The following PRRC2C variants were observed in gnomAD, a reference collection of about 807,000 sequenced individuals.
PRRC2C encodes the protein protein PRRC2C.
PRRC2C carries 72 observed loss-of-function variants against 317.2 expected under a neutral mutation model. That is an observed-to-expected ratio of 0.23 (90% CI 0.19 to 0.28). The LOEUF (loss-of-function observed/expected upper bound fraction) is 0.28. Ranked by LOEUF, PRRC2C falls within the 10% of genes least tolerant of loss-of-function variation. The pLI, the probability that PRRC2C is intolerant of heterozygous loss-of-function variation, is 1.00. For missense variants in PRRC2C, 3,074 were observed against 3,459.7 expected (o/e 0.89, Z 2.80); for synonymous variants, 1,296 against 1,205.9 (o/e 1.07, Z -1.55).
intron 15 of PRRC2C, among the ~76,000 whole-genome samples, chr1:171,537,698 A>G (rs1005471880): frequency 1.3e-5 from 2 of 152,018 alleles, no homozygotes; most frequent in Admixed American, 6.6e-5. Context: ...TTAGTATTAG[A>G]TGTTGAAATT....
At chr1:171,510,523 CAT>C (rs1416012372) in intron 1 of PRRC2C, 1 of 152,066 alleles carries the variant, frequency 6.6e-6, no homozygotes, top group Non-Finnish European at 1.5e-5. Flanking sequence ...TATCTTTGTA[CAT>C]GTTACTGGTA....
In PRRC2C at chr1:171,561,028, T is replaced by G; in HGVS notation, c.6042T>G (p.Ile2014Met). Residue 2014 changes from isoleucine to methionine, a missense_variant, in exon 20 of 35, where the codon ATT (isoleucine) becomes ATG (methionine). Ile to Met is a conservative substitution (Grantham distance 10). Coordinates refer to ENST00000647382, the MANE Select transcript of PRRC2C (RefSeq NM_001387844.1). ...GCTTCTTCTTTCCAGTAGGTCCCATTAGTCCACCACAGCCACCTTCAGTCA... is the reference window on the plus strand; with the variant it reads ...GCTTCTTCTTTCCAGTAGGTCCCATGAGTCCACCACAGCCACCTTCAGTCA... ...LNDISKKLGP[I>M]SPPQPPSVSA... is the part of the protein sequence containing the mutation. 6.3e-7 allele frequency: 1 copy of G among 1,598,426 alleles called. No homozygotes were observed. Among genetic ancestry groups the G allele is most frequent in the Non-Finnish European group, 8.6e-7 (1 of 1,165,746 alleles).
chr1:171,578,774 C>T (rs558794087), intron 26 of PRRC2C, among the ~76,000 whole-genome samples: 9 of 152,050 alleles, frequency 5.9e-5, no homozygotes, highest in Non-Finnish European at 8.8e-5. Flanking sequence ...GCACAAGAAT[C>T]GCTTGAACCC....
At chr1:171,552,710 A>C (rs971891503) in intron 18 of PRRC2C, among the ~76,000 whole-genome samples, 1 of 151,976 alleles carries the variant, frequency 6.6e-6, no homozygotes, top group Non-Finnish European at 1.5e-5. Context: ...TTCTGCATCT[A>C]TTGAGATAAT....
At chr1:171,566,886 A>G (rs1683758602) in intron 22 of PRRC2C, 43 bp downstream of exon 22, 3 of 1,552,248 alleles carry the variant, frequency 1.9e-6, no homozygotes, top group South Asian at 1.2e-5. Context: ...GATGCAAGCC[A>G]TGTCTAAAAT....
rs766917049 is a variant in PRRC2C, at chr1:171,579,837, G to A, written c.7282G>A (p.Val2428Ile). Residue 2428 changes from valine to isoleucine, a missense_variant, in exon 28 of 35, where the codon GTT becomes ATT. Val to Ile is a conservative substitution (Grantham distance 29). This residue lies in a region of PRRC2C where 490 missense variants were observed against 663.1 expected (regional missense o/e 0.74). Transcript: ENST00000647382. The stretch of plus-strand genomic sequence containing the variant: ...TCTCAATGCATTGCAGCCAACTTCA[G>A]TTCAGCAGATTCCAATCCCTATTTA... ...FQPGLSQPTS[V>I]QQIPIPIYAP... is the part of the protein sequence containing the mutation. The A allele has an allele frequency of 6.4e-7, 1 of 1,563,104 alleles. No individual in the cohort carries two copies. Among genetic ancestry groups the A allele is most frequent in the East Asian group, 2.3e-5 (1 of 43,862 alleles).
intron 11 of PRRC2C, among the ~76,000 whole-genome samples, chr1:171,530,293 C>T (rs376892412): frequency 1.5e-5 from 2 of 136,818 alleles, no homozygotes; most frequent in Non-Finnish European, 3.1e-5. Context: ...GCTCTGTTGC[C>T]GAGGCTGGAG....
At chr1:171,560,959 G>T (rs1048843764) in intron 19 of PRRC2C, 59 bp from the exon 20 acceptor site, 4 of 1,339,072 alleles carry the variant, frequency 3.0e-6, no homozygotes, top group African/African-American at 2.9e-5. Flanking sequence ...GGGTTAAATG[G>T]GTTAGAGATT....
chr1:171,503,990 C>A (rs148128659), intron 1 of PRRC2C, among the ~76,000 whole-genome samples: 1 of 152,148 alleles, frequency 6.6e-6, no homozygotes, highest in African/African-American at 2.4e-5. Flanking sequence ...TACCTTCCAC[C>A]GAGTCCCTCC....
intron 16 of PRRC2C, among the ~76,000 whole-genome samples, chr1:171,544,214 G>T (rs1046981991): frequency 3.9e-5 from 6 of 152,046 alleles, no homozygotes; most frequent in Non-Finnish European, 4.4e-5. Flanking sequence ...CCTCCACCCC[G>T]CTGGGTTCAA....
chr1:171,556,023 A>G (rs2102627625), intron 18 of PRRC2C, among the ~76,000 whole-genome samples: 1 of 152,210 alleles, frequency 6.6e-6, no homozygotes, highest in African/African-American at 2.4e-5. Context: ...CCCTGCCCCC[A>G]GAGCATACAG....
chr1:171,578,247 A>C (rs1647630824), intron 26 of PRRC2C, among the ~76,000 whole-genome samples: 1 of 152,166 alleles, frequency 6.6e-6, no homozygotes, highest in Admixed American at 6.5e-5. Context: ...ATTTCTAATA[A>C]TGACAAGTTA....
intron 20 of PRRC2C, among the ~76,000 whole-genome samples, chr1:171,563,368 ATTAT>A (rs990843398): frequency 2.1e-4 from 32 of 152,312 alleles, no homozygotes; most frequent in African/African-American, 7.7e-4. Context: ...GTTATACCAT[ATTAT>A]TTAGGGAATA....
intron 26 of PRRC2C, 134 bp downstream of exon 26, chr1:171,577,771 A>ATATT: frequency 1.3e-5 from 4 of 299,538 alleles, no homozygotes; most frequent in Non-Finnish European, 2.1e-5. Context: ...TTAAATTCGC[A>ATATT]TTTTTTTTTT....
In PRRC2C at chr1:171,540,393, G is replaced by A. The variant is rs149366991; in HGVS notation, c.2927G>A (p.Arg976Gln). The change falls in exon 16 of 35, where the codon CGA (arginine) becomes CAA (glutamine). Residue 976 changes from arginine to glutamine, a missense_variant. This residue lies in a region of PRRC2C where 1,320 missense variants were observed against 1,395.7 expected (regional missense o/e 0.95). Coordinates refer to ENST00000647382, the MANE Select transcript of PRRC2C (RefSeq NM_001387844.1). Reference protein sequence around the residue: ...EEKPKKEGFIRSSEGPKPEKV... With the variant: ...EEKPKKEGFIQSSEGPKPEKV... ...AAACCAAAAAAGGAAGGCTTTATAC[G>A]ATCTTCTGAAGGACCAAAACCTGAA... The A allele has an allele frequency of 6.2e-6, 10 of 1,612,836 alleles. No homozygotes were observed. The highest frequency in any genetic ancestry group is 2.7e-5 in the African/African-American group (2 of 74,914).
chr1:171,534,154 T>C (rs1676385223), intron 12 of PRRC2C, among the ~76,000 whole-genome samples: 2 of 152,172 alleles, frequency 1.3e-5, no homozygotes, highest in Non-Finnish European at 2.9e-5. Flanking sequence ...AGTATGAGTA[T>C]TTTATCTTTA....
intron 1 of PRRC2C, among the ~76,000 whole-genome samples, chr1:171,508,228 A>G (rs887598949): frequency 6.6e-6 from 1 of 152,186 alleles, no homozygotes; most frequent in Non-Finnish European, 1.5e-5. Context: ...ACTAGATTTC[A>G]GGAAAAAGCC....
intron 25 of PRRC2C, among the ~76,000 whole-genome samples, chr1:171,575,533 T>C (rs1685550934): frequency 6.6e-6 from 1 of 152,230 alleles, no homozygotes; most frequent in African/African-American, 2.4e-5. Context: ...CCTCTGCTAT[T>C]TGAGTGATGT....
At chr1:171,492,747 T>TTTATTTATTTAC (rs1667399691) in intron 1 of PRRC2C, among the ~76,000 whole-genome samples, 2 of 149,720 alleles carry the variant, frequency 1.3e-5, no homozygotes, top group Admixed American at 1.3e-4. Context: ...ATTTTATTTA[T>TTTATTTATTTAC]TTATTTATTT....
Sources: gnomAD v4.1 joint callset for allele counts (sites outside exome capture counted in the v4.1 genomes callset) on GRCh38, gnomAD v4.1.1 for gene constraint, gnomAD v4.1.1 regional missense constraint, MANE v1.5 for transcripts, NCBI Gene and HGNC (gene_info 2026-07-23, HGNC 2026-07-21) for gene names.